Variants in CFDP1 observed in about 807,000 individuals in gnomAD.
CFDP1 encodes the protein chromatin remodeling protein CFDP1.
CFDP1 carries 31 observed loss-of-function variants against 40.1 expected under a neutral mutation model. The observed-to-expected ratio is 0.77, with a 90% CI of 0.58 to 1.04. The LOEUF (loss-of-function observed/expected upper bound fraction) is 1.04, where lower values mean the gene tolerates loss of function less well. CFDP1 is among the 50% of genes least tolerant of loss of function. CFDP1 has a pLI of 0.00. For missense variants in CFDP1, 423 were observed against 343.4 expected (o/e 1.23, Z -1.83); for synonymous variants, 167 against 120.0 (o/e 1.39, Z -2.56).
intron 5 of CFDP1, among the ~76,000 whole-genome samples, chr16:75,392,528 C>G (rs1280902359): frequency 6.6e-6 from 1 of 152,190 alleles, no homozygotes; most frequent in African/African-American, 2.4e-5. Context: ...GACAAGGTCT[C>G]CCTCTGTCGC....
chr16:75,364,006 A>G (rs1369535611), intron 5 of CFDP1, among the ~76,000 whole-genome samples: 3 of 151,500 alleles, frequency 2.0e-5, no homozygotes, highest in African/African-American at 7.3e-5. Flanking sequence ...TAAGTGCTAC[A>G]GAAAAGAATT....
intron 5 of CFDP1, among the ~76,000 whole-genome samples, chr16:75,325,806 G>GTT (rs1567646127): frequency 6.6e-6 from 1 of 152,172 alleles, no homozygotes; most frequent in African/African-American, 2.4e-5. Context: ...TAACCTCTTA[G>GTT]TTGCTACTCA....
intron 5 of CFDP1, among the ~76,000 whole-genome samples, chr16:75,367,759 C>T (rs1167454313): frequency 6.9e-6 from 1 of 145,052 alleles, no homozygotes; most frequent in Non-Finnish European, 1.5e-5. Flanking sequence ...TGCCATTGTA[C>T]TCCAGCCTGG....
chr16:75,307,131 C>T (rs1403903793), intron 5 of CFDP1, among the ~76,000 whole-genome samples: 1 of 152,186 alleles, frequency 6.6e-6, no homozygotes, highest in Non-Finnish European at 1.5e-5. Context: ...TAGTGACATG[C>T]TGTAATTAGA....
rs945572291 is a variant in CFDP1, at chr16:75,338,238, TG to T, written c.651-33057del. Among the ~76,000 whole-genome samples the T allele has an allele frequency of 2.0e-5, 3 of 152,012 alleles. No homozygotes were observed. In the South Asian group the frequency reaches 6.2e-4, roughly 32 times the overall value. On this transcript the variant is annotated intron_variant, in intron 5 of 6. Coordinates refer to ENST00000283882, the MANE Select transcript of CFDP1 (RefSeq NM_006324.3). Reference sequence around the variant, plus strand: ...TCTCACTCTTGGGGAATGTGAAGCATGGGGGGGAAAAAGAGCCTCTGCCTGA... The same window carrying T: ...TCTCACTCTTGGGGAATGTGAAGCATGGGGGGAAAAAGAGCCTCTGCCTGA...
At chr16:75,397,471 A>G (rs1315062436) in intron 4 of CFDP1, among the ~76,000 whole-genome samples, 1 of 151,520 alleles carries the variant, frequency 6.6e-6, no homozygotes, top group Non-Finnish European at 1.5e-5. Flanking sequence ...GCATCACTGC[A>G]CTCCAGCCCT....
intron 5 of CFDP1, among the ~76,000 whole-genome samples, chr16:75,309,038 T>C (rs1567640909): frequency 6.6e-6 from 1 of 152,230 alleles, no homozygotes; most frequent in African/African-American, 2.4e-5. Flanking sequence ...CAAAATAATC[T>C]GTCTTTTATT....
At chr16:75,296,728 G>A (rs894534661) in intron 6 of CFDP1, among the ~76,000 whole-genome samples, 1 of 152,204 alleles carries the variant, frequency 6.6e-6, no homozygotes, top group African/African-American at 2.4e-5. Flanking sequence ...CAGCAGTGAG[G>A]GGAACATGTG....
intron 4 of CFDP1, among the ~76,000 whole-genome samples, chr16:75,396,534 G>C (rs997601559): frequency 9.7e-6 from 1 of 103,492 alleles, no homozygotes; most frequent in Non-Finnish European, 2.3e-5. Flanking sequence ...GCGAGACTCT[G>C]TCTCAAAAAT....
chr16:75,365,411 A>G (rs753027629), intron 5 of CFDP1, among the ~76,000 whole-genome samples: 20 of 152,158 alleles, frequency 1.3e-4, no homozygotes, highest in Non-Finnish European at 2.5e-4. Context: ...CCTTTGAGAG[A>G]AGGGGACTGA....
chr16:75,418,029 G>T (rs896617646), intron 1 of CFDP1, among the ~76,000 whole-genome samples: 1 of 151,946 alleles, frequency 6.6e-6, no homozygotes, highest in Admixed American at 6.6e-5. Context: ...TGAGGTGGGT[G>T]TATCACCTGA....
In CFDP1 at chr16:75,293,859, CAG is replaced by C. The variant is rs1046716533; in HGVS notation, c.*91_*92del. 7 of 1,001,658 alleles carry C rather than the reference CAG, an allele frequency of 7.0e-6. No individual in the cohort carries two copies. In the African/African-American group the frequency reaches 1.1e-4, roughly 16 times the overall value. The allele number at this position is 1,001,658 out of a possible 1,614,324, so 62.0% of individuals were successfully genotyped here. A position where few individuals can be genotyped will look rare whatever the true frequency, so the allele number is the denominator to read the frequency against. ...AAAAAAAAAAGACCTTGCTGGGAAA[CAG>C]ATGATGAGAAACACTGTAAAACATT... On this transcript the variant is annotated 3_prime_UTR_variant, in exon 7 of 7. Transcript: ENST00000283882.
chr16:75,403,735 T>G (rs1175082266), intron 4 of CFDP1, among the ~76,000 whole-genome samples: 2 of 152,238 alleles, frequency 1.3e-5, no homozygotes, highest in East Asian at 3.8e-4. Flanking sequence ...CTATTAAAAG[T>G]TTATACTGTC....
intron 5 of CFDP1, among the ~76,000 whole-genome samples, chr16:75,311,790 A>G (rs1366138731): frequency 6.8e-6 from 1 of 147,688 alleles, no homozygotes; most frequent in African/African-American, 2.6e-5. Context: ...TTTTTTTTCA[A>G]GAAAGAGTCT....
At chr16:75,330,532 T>C (rs2078438236) in intron 5 of CFDP1, among the ~76,000 whole-genome samples, 1 of 152,176 alleles carries the variant, frequency 6.6e-6, no homozygotes, top group Non-Finnish European at 1.5e-5. Context: ...CAGGTTGCAG[T>C]GAGCCAAGAT....
intron 5 of CFDP1, among the ~76,000 whole-genome samples, chr16:75,306,900 C>G (rs1216072373): frequency 6.8e-6 from 1 of 146,058 alleles, no homozygotes; most frequent in East Asian, 1.9e-4. Context: ...CACACACACA[C>G]ACGCACACAC....
chr16:75,309,479 A>C (rs2078279473), intron 5 of CFDP1, among the ~76,000 whole-genome samples: 1 of 151,714 alleles, frequency 6.6e-6, no homozygotes, highest in Non-Finnish European at 1.5e-5. Flanking sequence ...TATATTGGAA[A>C]ACTGTAGAAT....
intron 5 of CFDP1, among the ~76,000 whole-genome samples, chr16:75,319,482 A>G (rs1020644827): frequency 1.3e-5 from 2 of 152,146 alleles, no homozygotes; most frequent in African/African-American, 4.8e-5. Context: ...GTTGCATTAC[A>G]CGAGACTGAA....
chr16:75,340,134 T>C (rs992577141), intron 5 of CFDP1, among the ~76,000 whole-genome samples: 1 of 152,184 alleles, frequency 6.6e-6, no homozygotes, highest in African/African-American at 2.4e-5. Flanking sequence ...AGCCTTATGA[T>C]TGTCATGAAT....
Sources: gnomAD v4.1 joint callset for allele counts (sites outside exome capture counted in the v4.1 genomes callset) on GRCh38, gnomAD v4.1.1 for gene constraint, MANE v1.5 for transcripts, NCBI Gene and HGNC (gene_info 2026-07-23, HGNC 2026-07-21) for gene names.